The following CTNNA3 variants were observed in gnomAD, a reference collection of about 807,000 sequenced individuals.
CTNNA3 encodes catenin alpha-3.
CTNNA3 carries 76 observed loss-of-function variants against 95.7 expected under a neutral mutation model. That is an observed-to-expected ratio of 0.79 (90% CI 0.66 to 0.96). CTNNA3 has a LOEUF of 0.96. CTNNA3 is among the 40% of genes least tolerant of loss of function. The probability of loss-of-function intolerance (pLI) is 0.00; values close to 1 mark genes in which losing one functional copy is unlikely to be tolerated. For synonymous variants in CTNNA3, 431 were observed against 374.4 expected (o/e 1.15, Z -1.74); for missense variants, 1,191 against 1,089.8 (o/e 1.09, Z -1.31).
At chr10:66,145,400 T>C (rs1486359060) in intron 13 of CTNNA3, among the ~76,000 whole-genome samples, 1 of 152,210 alleles carries the variant, frequency 6.6e-6, no homozygotes, top group African/African-American at 2.4e-5. Context: ...GCTGTCCTTA[T>C]GCCCCAGAGA....
intron 5 of CTNNA3, among the ~76,000 whole-genome samples, chr10:67,236,046 CTTTTA>C: frequency 6.9e-6 from 1 of 144,198 alleles, no homozygotes; most frequent in South Asian, 2.2e-4. Flanking sequence ...AATAGGAACA[CTTTTA>C]CACTGTTGGT....
chr10:66,550,068 G>T (rs1842168014), intron 10 of CTNNA3, among the ~76,000 whole-genome samples: 1 of 152,070 alleles, frequency 6.6e-6, no homozygotes, highest in Non-Finnish European at 1.5e-5. Context: ...TTATGAAATT[G>T]TCTATCTCTT....
intron 5 of CTNNA3, among the ~76,000 whole-genome samples, chr10:67,351,699 C>T (rs1479266308): frequency 6.6e-6 from 1 of 151,834 alleles, no homozygotes; most frequent in East Asian, 1.9e-4. Context: ...CTGTCAAACT[C>T]CTTTCTGGCC....
chr10:66,328,911 C>CATAT (rs1554935009), intron 12 of CTNNA3, among the ~76,000 whole-genome samples: 4,139 of 86,398 alleles, frequency 0.048, 326 homozygotes, highest in Admixed American at 0.064. Flanking sequence ...CACATATATA[C>CATAT]ATATATATAT....
At chr10:66,745,882 A>T (rs55782235) in intron 9 of CTNNA3, among the ~76,000 whole-genome samples, 1 of 151,782 alleles carries the variant, frequency 6.6e-6, no homozygotes, top group Non-Finnish European at 1.5e-5. Context: ...TACAGGCGTG[A>T]GCCACAGCGC....
intron 11 of CTNNA3, among the ~76,000 whole-genome samples, chr10:66,411,386 C>T (rs139285493): frequency 2.6e-5 from 4 of 151,478 alleles, no homozygotes; most frequent in African/African-American, 9.7e-5. Context: ...TTTGTTTTTC[C>T]TTCTGGTACA....
intron 17 of CTNNA3, among the ~76,000 whole-genome samples, chr10:65,936,007 T>C (rs184179793): frequency 6.6e-6 from 1 of 152,138 alleles, no homozygotes; most frequent in Non-Finnish European, 1.5e-5. Context: ...AAGAAAAGTA[T>C]CAATCTTGCT....
chr10:66,194,530 A>C (rs532637642), intron 13 of CTNNA3, among the ~76,000 whole-genome samples: 2 of 152,344 alleles, frequency 1.3e-5, no homozygotes, highest in Non-Finnish European at 2.9e-5. Flanking sequence ...CAGTGAGCCG[A>C]GATCATGCCA....
intron 5 of CTNNA3, among the ~76,000 whole-genome samples, chr10:67,287,149 A>G (rs143552222): frequency 6.6e-6 from 1 of 151,920 alleles, no homozygotes; most frequent in Non-Finnish European, 1.5e-5. Flanking sequence ...ACCAGCCTGG[A>G]CAATAAGGCA....
chr10:66,290,098 T>C (rs1311468512), intron 12 of CTNNA3, among the ~76,000 whole-genome samples: 2 of 151,844 alleles, frequency 1.3e-5, no homozygotes, highest in Non-Finnish European at 2.9e-5. Flanking sequence ...GAAAGAAGGA[T>C]AGTAGTAGGA....
intron 4 of CTNNA3, among the ~76,000 whole-genome samples, chr10:67,533,017 T>C (rs918669389): frequency 6.6e-6 from 1 of 152,062 alleles, no homozygotes; most frequent in African/African-American, 2.4e-5. Context: ...CCAAATAAAA[T>C]TGACCCTTAG....
At position 67,007,304 on chromosome 10, in the gene CTNNA3, C is replaced by G. The variant is rs142846121; in HGVS notation, c.1047+173013G>C. 2.8e-4 allele frequency among the ~76,000 whole-genome samples: 43 copies of G among 152,182 alleles called. No individual in the cohort carries two copies. The East Asian group carries it at 8.1e-3, about 29-fold the overall frequency. On this transcript the variant is annotated intron_variant, in intron 7 of 17. Coordinates refer to ENST00000433211, the MANE Select transcript of CTNNA3 (RefSeq NM_013266.4). Reference sequence around the variant, plus strand: ...TAACAAATTGGCTCTTTTTCCTCTCCCACTATTTGGATATTGAAATTAAAG... The same window carrying G: ...TAACAAATTGGCTCTTTTTCCTCTCGCACTATTTGGATATTGAAATTAAAG...
Position 65,985,297 on chromosome 10 carries a change from A to G in CTNNA3, c.2265+3395T>C, listed in dbSNP as rs534873965. ...TTTTTCCAAAAGGAAATAAATATGT[A>G]CTATGAAGTTGAACATAATATAAAA... On this transcript the variant is annotated intron_variant, in intron 16 of 17. Coordinates refer to ENST00000433211, the MANE Select transcript of CTNNA3 (RefSeq NM_013266.4). Among the ~76,000 whole-genome samples the G allele has an allele frequency of 4.0e-5, 6 of 151,350 alleles. No homozygotes were observed. In the South Asian group the frequency reaches 1.2e-3, roughly 31 times the overall value.
chr10:66,294,905 AG>A (rs2091750978), intron 12 of CTNNA3, among the ~76,000 whole-genome samples: 1 of 148,908 alleles, frequency 6.7e-6, no homozygotes. Context: ...AGAGAGAGAG[AG>A]AGAGAGAGGG....
intron 1 of CTNNA3, among the ~76,000 whole-genome samples, chr10:67,669,067 T>A (rs1840384682): frequency 6.6e-6 from 1 of 152,124 alleles, no homozygotes; most frequent in African/African-American, 2.4e-5. Flanking sequence ...CTCGAACTCC[T>A]GACCTTGTGA....
chr10:66,405,701 G>C (rs1409536076), intron 11 of CTNNA3, among the ~76,000 whole-genome samples: 5 of 152,134 alleles, frequency 3.3e-5, no homozygotes. Flanking sequence ...TCATATTTGA[G>C]CCATACATCA....
intron 10 of CTNNA3, among the ~76,000 whole-genome samples, chr10:66,592,758 A>C (rs1175942100): frequency 1.3e-5 from 2 of 152,162 alleles, no homozygotes; most frequent in African/African-American, 4.8e-5. Flanking sequence ...AAGCAATAGC[A>C]GCCACTGGAT....
rs139933041 is a variant in CTNNA3 at position 66,457,870 on chromosome 10, G to T, written c.1531+62747C>A. ...GCAGTTGTGCCCAAATAACAGAGAG[G>T]CAGAGAGCCTCAGGCCTCTTCAAAA... On this transcript the variant is annotated intron_variant, in intron 11 of 17. Coordinates refer to ENST00000433211, the MANE Select transcript of CTNNA3 (RefSeq NM_013266.4). 1.1e-3 allele frequency among the ~76,000 whole-genome samples: 165 copies of T among 152,224 alleles called. 1 individual carries two copies. Among genetic ancestry groups the T allele is most frequent in the African/African-American group, 3.6e-3 (148 of 41,536 alleles).
chr10:67,582,757 T>C (rs1271711711), intron 3 of CTNNA3, among the ~76,000 whole-genome samples: 3 of 152,176 alleles, frequency 2.0e-5, no homozygotes, highest in African/African-American at 7.2e-5. Context: ...ATTTGGTGCA[T>C]GTATATTTAG....
Sources: allele counts gnomAD v4.1 joint callset (sites outside exome capture counted in the v4.1 genomes callset), GRCh38; gene constraint gnomAD v4.1.1; transcripts MANE v1.5; gene names NCBI Gene and HGNC (gene_info 2026-07-23, HGNC 2026-07-21).